Variants in DAB1 observed in about 807,000 individuals in gnomAD.
DAB1 encodes disabled homolog 1.
DAB1 carries 15 observed loss-of-function variants against 64.6 expected under a neutral mutation model. The observed-to-expected ratio is 0.23, with a 90% CI of 0.16 to 0.36. The LOEUF (loss-of-function observed/expected upper bound fraction) is 0.36. DAB1 is among the 10% of genes least tolerant of loss of function. DAB1 has a pLI of 1.00. For synonymous variants in DAB1, 235 were observed against 251.9 expected (o/e 0.93, Z 0.64); for missense variants, 596 against 706.7 (o/e 0.84, Z 1.78).
intron 4 of DAB1, among the ~76,000 whole-genome samples, chr1:57,076,831 T>G (rs1207887390): frequency 6.6e-6 from 1 of 152,224 alleles, no homozygotes; most frequent in Non-Finnish European, 1.5e-5. Flanking sequence ...CTACACAGGA[T>G]GCTTTGCACT....
At chr1:57,285,308 GC>G (rs1209296911) in intron 2 of DAB1, among the ~76,000 whole-genome samples, 1 of 151,540 alleles carries the variant, frequency 6.6e-6, no homozygotes, top group African/African-American at 2.4e-5. Context: ...TGCTCTTTTT[GC>G]CCAGGCTGGA....
rs11322441 is a variant in DAB1, at chr1:58,337,285, G to GA, written n.309+6066dup. On this transcript the variant is annotated intron_variant and non_coding_transcript_variant, in intron 4 of 20. Transcript: ENST00000485760. The stretch of plus-strand genomic sequence containing the variant: ...TGACAGAGCGAGACTCTGTCTCAAA[G>GA]AAAAAAAAAAAAAAAAGCAAAGTAA... Among the ~76,000 whole-genome samples, 207 of 67,148 alleles carry GA rather than the reference G, an allele frequency of 3.1e-3. 1 individual carries two copies. Among genetic ancestry groups the GA allele is most frequent in the East Asian group, 4.6e-3 (16 of 3,458 alleles). The allele number at this position is 67,148 out of a possible 152,430, so 44.1% of individuals were successfully genotyped here.
At chr1:58,296,378 T>C (rs1191894491) in intron 4 of DAB1, among the ~76,000 whole-genome samples, 1 of 152,094 alleles carries the variant, frequency 6.6e-6, no homozygotes, top group African/African-American at 2.4e-5. Flanking sequence ...GACCCAGTAA[T>C]ATGATCCGCT....
At chr1:57,001,262 G>T (rs1383899943) in intron 14 of DAB1, among the ~76,000 whole-genome samples, 6 of 152,120 alleles carry the variant, frequency 3.9e-5, no homozygotes, top group Non-Finnish European at 7.3e-5. Flanking sequence ...AAATGGAATC[G>T]CACATTAACA....
At chr1:57,662,883 G>T (rs1262673611) in intron 6 of DAB1, among the ~76,000 whole-genome samples, 1 of 152,128 alleles carries the variant, frequency 6.6e-6, no homozygotes, top group African/African-American at 2.4e-5. Context: ...AATTCTTTCT[G>T]TTTTTCCTCT....
At chr1:58,462,744 G>A (rs767070105) in intron 3 of DAB1, 1 of 152,120 alleles carries the variant, frequency 6.6e-6, no homozygotes, top group Non-Finnish European at 1.5e-5. Context: ...TTCTTATTAA[G>A]CAGGTAACCT....
intron 5 of DAB1, among the ~76,000 whole-genome samples, chr1:58,099,045 G>A (rs1651159128): frequency 1.3e-5 from 2 of 152,170 alleles, no homozygotes; most frequent in South Asian, 4.2e-4. Flanking sequence ...CCTCAGAAAT[G>A]GGTGTTTCAA....
chr1:57,569,927 A>G (rs1372211819), intron 7 of DAB1, among the ~76,000 whole-genome samples: 1 of 152,014 alleles, frequency 6.6e-6, no homozygotes, highest in African/African-American at 2.4e-5. Flanking sequence ...TGCAATTACA[A>G]CCTTATTATT....
intron 4 of DAB1, among the ~76,000 whole-genome samples, chr1:58,322,928 A>C (rs111839704): frequency 0.038 from 5,725 of 152,244 alleles, 337 homozygotes; most frequent in African/African-American, 0.13. Context: ...GAATGAGTTC[A>C]TGTCCTTTGT....
chr1:58,462,146 G>T (rs1231447026), intron 3 of DAB1, among the ~76,000 whole-genome samples: 3 of 136,226 alleles, frequency 2.2e-5, no homozygotes, highest in Non-Finnish European at 4.6e-5. Flanking sequence ...TTGAGACGGA[G>T]TCTCGCTCTG....
At chr1:57,376,014 C>T (rs1680870536) in intron 1 of DAB1, among the ~76,000 whole-genome samples, 1 of 152,156 alleles carries the variant, frequency 6.6e-6, no homozygotes, top group African/African-American at 2.4e-5. Flanking sequence ...GACGCATGCA[C>T]TCCCAGAGGT....
At chr1:57,059,732 C>A (rs1416261223) in intron 9 of DAB1, among the ~76,000 whole-genome samples, 1 of 151,782 alleles carries the variant, frequency 6.6e-6, no homozygotes, top group Non-Finnish European at 1.5e-5. Flanking sequence ...TAATTATGTT[C>A]AATCATCTTT....
chr1:58,419,040 G>T (rs1215982387), intron 3 of DAB1, among the ~76,000 whole-genome samples: 2 of 152,164 alleles, frequency 1.3e-5, no homozygotes, highest in Non-Finnish European at 2.9e-5. Flanking sequence ...CACCCTCCTG[G>T]CCCCATGTAA....
chr1:58,105,523 C>T (rs1651579287), intron 5 of DAB1, among the ~76,000 whole-genome samples: 1 of 152,174 alleles, frequency 6.6e-6, no homozygotes, highest in Non-Finnish European at 1.5e-5. Context: ...GGGTTCTAGT[C>T]TTGAATTGGC....
chr1:57,796,451 C>T (rs1279307987), intron 6 of DAB1, among the ~76,000 whole-genome samples: 2 of 151,902 alleles, frequency 1.3e-5, no homozygotes, highest in African/African-American at 2.4e-5. Context: ...GGCATGAACC[C>T]GGGAGGTGGA....
At chr1:58,374,517 C>G (rs1644303939) in intron 3 of DAB1, among the ~76,000 whole-genome samples, 1 of 151,492 alleles carries the variant, frequency 6.6e-6, no homozygotes, top group African/African-American at 2.4e-5. Flanking sequence ...TCTGAGGGCT[C>G]TGTTCTGTTC....
intron 9 of DAB1, among the ~76,000 whole-genome samples, chr1:57,032,495 C>A (rs553180038): frequency 6.6e-6 from 1 of 152,138 alleles, no homozygotes; most frequent in Non-Finnish European, 1.5e-5. Context: ...TCCTTCAGGA[C>A]GCAAATTAGA....
intron 7 of DAB1, among the ~76,000 whole-genome samples, chr1:57,614,985 C>G (rs1177183779): frequency 6.6e-6 from 1 of 151,230 alleles, no homozygotes; most frequent in African/African-American, 2.4e-5. Flanking sequence ...ATTCTCCTGC[C>G]TCAGCTCCCG....
intron 2 of DAB1, among the ~76,000 whole-genome samples, chr1:57,277,637 C>A (rs1325385342): frequency 2.0e-5 from 3 of 152,202 alleles, no homozygotes; most frequent in African/African-American, 4.8e-5. Flanking sequence ...ATGTCTTTAG[C>A]ACATGCTTCT....
Sources: gnomAD v4.1 joint callset for allele counts (sites outside exome capture counted in the v4.1 genomes callset) on GRCh38, gnomAD v4.1.1 for gene constraint, MANE v1.5 for transcripts, NCBI Gene and HGNC (gene_info 2026-07-23, HGNC 2026-07-21) for gene names.